Variants in PTPRD observed in about 807,000 individuals in gnomAD.
PTPRD encodes the protein protein tyrosine phosphatase receptor type D.
A neutral mutation model predicts 214.5 loss-of-function variants in PTPRD; 34 were observed. That is an observed-to-expected ratio of 0.16 (90% CI 0.12 to 0.21). The LOEUF (loss-of-function observed/expected upper bound fraction) is 0.21. Among genes scored for constraint, PTPRD ranks in the 10% least tolerant of loss-of-function variants. PTPRD has a pLI of 1.00. For missense variants in PTPRD, 2,545 were observed against 2,398.7 expected (o/e 1.06, Z -1.27); for synonymous variants, 1,128 against 845.7 (o/e 1.33, Z -5.79).
At chr9:9,380,119 T>G (rs2061793687) in intron 9 of PTPRD, among the ~76,000 whole-genome samples, 1 of 152,022 alleles carries the variant, frequency 6.6e-6, no homozygotes. Flanking sequence ...TACCATTAAG[T>G]TTGAAGTTAG....
intron 8 of PTPRD, among the ~76,000 whole-genome samples, chr9:9,516,731 C>T (rs2154250661): frequency 6.6e-6 from 1 of 151,678 alleles, no homozygotes; most frequent in South Asian, 2.1e-4. Context: ...AAAGACGGGG[C>T]TTCGCTATGT....
At chr9:9,821,853 G>C (rs2050849867) in intron 5 of PTPRD, among the ~76,000 whole-genome samples, 2 of 151,012 alleles carry the variant, frequency 1.3e-5, no homozygotes, top group African/African-American at 4.9e-5. Context: ...AAAAATAAAG[G>C]ACATGCATGT....
At chr9:8,530,093 T>C (rs1465412398) in intron 14 of PTPRD, among the ~76,000 whole-genome samples, 2 of 152,034 alleles carry the variant, frequency 1.3e-5, no homozygotes, top group South Asian at 2.1e-4. Context: ...AGCTCCAGTA[T>C]AATCCATGAA....
intron 8 of PTPRD, among the ~76,000 whole-genome samples, chr9:9,403,476 A>AT (rs1383839914): frequency 6.6e-6 from 1 of 150,626 alleles, no homozygotes; most frequent in Non-Finnish European, 1.5e-5. Context: ...CACTCCTTAG[A>AT]TTTTGAAAGC....
Position 9,938,535 on chromosome 9 carries a change from G to C in PTPRD, c.-396C>G, listed in dbSNP as rs1038624809. On this transcript the variant is annotated 5_prime_UTR_variant, in exon 5 of 46. Coordinates refer to ENST00000381196, the MANE Select transcript of PTPRD (RefSeq NM_002839.4). ...GAGCCGAAGCCCATCGCTTCCCTCGGTGCCAACATGCTGTCAGTCAGACAC... is the reference window on the plus strand; with the variant it reads ...GAGCCGAAGCCCATCGCTTCCCTCGCTGCCAACATGCTGTCAGTCAGACAC... 3.3e-5 allele frequency: 5 copies of C among 152,018 alleles called. No individual in the cohort carries two copies. Among genetic ancestry groups the C allele is most frequent in the African/African-American group, 1.2e-4 (5 of 41,376 alleles). The allele number at this position is 152,018 out of a possible 1,614,324, so 9.4% of individuals were successfully genotyped here. A position where few individuals can be genotyped will look rare whatever the true frequency, so the allele number is the denominator to read the frequency against.
intron 2 of PTPRD, among the ~76,000 whole-genome samples, chr9:10,419,099 C>A (rs961128519): frequency 2.6e-5 from 4 of 151,964 alleles, no homozygotes; most frequent in African/African-American, 9.6e-5. Flanking sequence ...ATTGGTCCCA[C>A]GTAGGGTCTA....
At chr9:9,669,283 G>C (rs1048807614) in intron 7 of PTPRD, among the ~76,000 whole-genome samples, 1 of 152,096 alleles carries the variant, frequency 6.6e-6, no homozygotes, top group Non-Finnish European at 1.5e-5. Context: ...GATACACAAG[G>C]AACACAACAG....
intron 8 of PTPRD, among the ~76,000 whole-genome samples, chr9:9,560,425 G>A (rs2082615696): frequency 6.6e-6 from 1 of 152,244 alleles, no homozygotes; most frequent in African/African-American, 2.4e-5. Context: ...CGACTTTGCT[G>A]GCAAAGATAT....
intron 3 of PTPRD, among the ~76,000 whole-genome samples, chr9:10,208,949 G>C (rs1348121143): frequency 6.6e-6 from 1 of 152,080 alleles, no homozygotes; most frequent in Non-Finnish European, 1.5e-5. Flanking sequence ...AGTAGAAAAG[G>C]TGACAAAACA....
intron 7 of PTPRD, among the ~76,000 whole-genome samples, chr9:9,625,042 C>T (rs1344192676): frequency 1.3e-5 from 2 of 152,170 alleles, no homozygotes; most frequent in African/African-American, 4.8e-5. Context: ...TGTTAAATGA[C>T]TCTTAAATCC....
chr9:9,091,164 T>A, intron 10 of PTPRD: 1 of 1,548,044 alleles, frequency 6.5e-7, no homozygotes, highest in Non-Finnish European at 8.8e-7. Context: ...ATCGATCTCG[T>A]GAAGTCCGCA....
At chr9:9,042,107 G>T (rs1166169604) in intron 10 of PTPRD, among the ~76,000 whole-genome samples, 1 of 152,068 alleles carries the variant, frequency 6.6e-6, no homozygotes, top group African/African-American at 2.4e-5. Context: ...AATGCCATTA[G>T]GTTCTCTCTT....
At chr9:9,671,753 A>C (rs2096836431) in intron 7 of PTPRD, among the ~76,000 whole-genome samples, 1 of 152,180 alleles carries the variant, frequency 6.6e-6, no homozygotes, top group Admixed American at 6.5e-5. Context: ...CCATGTCAGA[A>C]GTGCCTTTCA....
chr9:8,999,322 A>G (rs1490244485), intron 11 of PTPRD, among the ~76,000 whole-genome samples: 1 of 152,034 alleles, frequency 6.6e-6, no homozygotes, highest in Non-Finnish European at 1.5e-5. Flanking sequence ...CAGCCACCCC[A>G]ACCTTCCACA....
rs1351823736 is a variant in PTPRD, at chr9:8,494,023, C to G, written c.2350-1044G>C. Among the ~76,000 whole-genome samples, 3 of 151,056 alleles carry G rather than the reference C, an allele frequency of 2.0e-5. 1 individual carries two copies. The East Asian group carries it at 5.8e-4, about 29-fold the overall frequency. The stretch of plus-strand genomic sequence containing the variant: ...AGACACACAGACACACACACACACA[C>G]ACACACACACACACACAGCAATATA... On this transcript the variant is annotated intron_variant, in intron 26 of 45. Coordinates refer to ENST00000381196, the MANE Select transcript of PTPRD (RefSeq NM_002839.4).
At chr9:9,140,069 A>G (rs1055500003) in intron 10 of PTPRD, among the ~76,000 whole-genome samples, 1 of 152,100 alleles carries the variant, frequency 6.6e-6, no homozygotes, top group South Asian at 2.1e-4. Context: ...TCAGGAAACC[A>G]AAGTCAATGA....
At chr9:9,173,515 G>C (rs1481273584) in intron 10 of PTPRD, among the ~76,000 whole-genome samples, 1 of 152,074 alleles carries the variant, frequency 6.6e-6, no homozygotes, top group Admixed American at 6.6e-5. Flanking sequence ...TAGCCTACCA[G>C]TGTAGCTATA....
At chr9:10,016,821 T>C (rs1035946126) in intron 4 of PTPRD, among the ~76,000 whole-genome samples, 8 of 152,142 alleles carry the variant, frequency 5.3e-5, no homozygotes, top group Non-Finnish European at 7.4e-5. Context: ...TGCACCATCA[T>C]GTCTGGCTAA....
At chr9:9,655,147 T>C (rs904357119) in intron 7 of PTPRD, among the ~76,000 whole-genome samples, 2 of 152,140 alleles carry the variant, frequency 1.3e-5, no homozygotes, top group African/African-American at 4.8e-5. Flanking sequence ...ATAAAAACTA[T>C]ATGATTAAGA....
Sources: allele counts gnomAD v4.1 joint callset (sites outside exome capture counted in the v4.1 genomes callset), GRCh38; gene constraint gnomAD v4.1.1; transcripts MANE v1.5; gene names NCBI Gene and HGNC (gene_info 2026-07-23, HGNC 2026-07-21).